The following ADARB2 variants were observed in gnomAD, a reference collection of about 807,000 sequenced individuals.
ADARB2 encodes inactive double-stranded RNA-specific editase B2.
A neutral mutation model predicts 62.2 loss-of-function variants in ADARB2; 25 were observed. The ratio of observed to expected loss-of-function variants is 0.40; its 90% CI spans 0.29 to 0.56. The LOEUF (loss-of-function observed/expected upper bound fraction) is 0.56, where lower values mean the gene tolerates loss of function less well. Ranked by LOEUF, ADARB2 falls within the 20% of genes least tolerant of loss-of-function variation. The probability of loss-of-function intolerance (pLI) is 0.43; values close to 1 mark genes in which losing one functional copy is unlikely to be tolerated. For synonymous variants in ADARB2, 572 were observed against 500.8 expected (o/e 1.14, Z -1.90); for missense variants, 1,071 against 1,077.4 (o/e 0.99, Z 0.08).
At chr10:1,414,923 T>C (rs1832789356) in intron 1 of ADARB2, among the ~76,000 whole-genome samples, 1 of 152,048 alleles carries the variant, frequency 6.6e-6, no homozygotes, top group Non-Finnish European at 1.5e-5. Flanking sequence ...AATGAATGGA[T>C]AGATAGGTGG....
At position 1,363,799 on chromosome 10, in the gene ADARB2, C is replaced by T. The variant is rs370256785; in HGVS notation, c.306G>A (p.Leu102=). The change falls in exon 3 of 10, where the codon CTG becomes CTA. Residue 102 remains leucine, a synonymous_variant. Transcript: ENST00000381312. ...ACAAGTGGCCCCCATTCCCCTCCTC[C>T]AGCGGCCGCTTCCTCTTCGCGCCGG... ...GAPGAKRKRP[L]EEGNGGHLCK... is the part of the protein sequence containing the mutation. 5 of 1,597,510 alleles carry T rather than the reference C, an allele frequency of 3.1e-6. No individual in the cohort carries two copies. Among genetic ancestry groups the T allele is most frequent in the Non-Finnish European group, 4.2e-6 (5 of 1,178,816 alleles).
At chr10:1,375,747 AC>A (rs1404915497) in intron 2 of ADARB2, among the ~76,000 whole-genome samples, 1 of 152,186 alleles carries the variant, frequency 6.6e-6, no homozygotes, top group Non-Finnish European at 1.5e-5. Flanking sequence ...ACAGATTCAC[AC>A]GCCACACACA....
chr10:1,400,543 T>A (rs1481236700), intron 1 of ADARB2, among the ~76,000 whole-genome samples: 1 of 151,976 alleles, frequency 6.6e-6, no homozygotes, highest in Non-Finnish European at 1.5e-5. Context: ...CTGGTAAAAT[T>A]AGATCTAAAA....
At chr10:1,321,717 C>T (rs1458607367) in intron 3 of ADARB2, among the ~76,000 whole-genome samples, 1 of 152,200 alleles carries the variant, frequency 6.6e-6, no homozygotes, top group East Asian at 1.9e-4. Flanking sequence ...TTCTCTTAAA[C>T]AAATCATCAT....
intron 1 of ADARB2, among the ~76,000 whole-genome samples, chr10:1,427,838 A>T (rs982834404): frequency 2.6e-5 from 4 of 152,258 alleles, no homozygotes; most frequent in African/African-American, 9.6e-5. Flanking sequence ...CCAGGTGTTC[A>T]TCAGTGGTGA....
intron 1 of ADARB2, among the ~76,000 whole-genome samples, chr10:1,717,067 T>A (rs4993597): frequency 3.1e-5 from 2 of 63,996 alleles, no homozygotes; most frequent in Non-Finnish European, 4.8e-5. Flanking sequence ...TCTGATCACA[T>A]GTTATTCTGA....
chr10:1,543,840 G>A (rs1260069302), intron 1 of ADARB2, among the ~76,000 whole-genome samples: 2 of 152,162 alleles, frequency 1.3e-5, no homozygotes, highest in South Asian at 2.1e-4. Flanking sequence ...TTTACAGCCC[G>A]CCCGTGACGT....
intron 1 of ADARB2, among the ~76,000 whole-genome samples, chr10:1,712,144 C>G (rs1472228010): frequency 4.6e-5 from 7 of 152,128 alleles, no homozygotes; most frequent in South Asian, 2.1e-4. Flanking sequence ...GTATTTAAAA[C>G]AGATATTCTC....
intron 3 of ADARB2, among the ~76,000 whole-genome samples, chr10:1,312,765 C>T (rs1165745183): frequency 6.6e-6 from 1 of 152,216 alleles, no homozygotes; most frequent in Non-Finnish European, 1.5e-5. Context: ...TATCTTTCCT[C>T]TGCGGAGGTG....
intron 1 of ADARB2, among the ~76,000 whole-genome samples, chr10:1,590,851 A>G (rs1833243098): frequency 6.6e-6 from 1 of 152,080 alleles, no homozygotes; most frequent in Non-Finnish European, 1.5e-5. Flanking sequence ...GCAGTCAGTA[A>G]CCGTGCGTCG....
chr10:1,606,847 T>G (rs910948114), intron 1 of ADARB2, among the ~76,000 whole-genome samples: 1 of 152,090 alleles, frequency 6.6e-6, no homozygotes, highest in African/African-American at 2.4e-5. Context: ...TCAGGCAAAC[T>G]AAACCTGAGG....
At chr10:1,645,842 C>T (rs1588336784) in intron 1 of ADARB2, among the ~76,000 whole-genome samples, 1 of 152,196 alleles carries the variant, frequency 6.6e-6, no homozygotes, top group Non-Finnish European at 1.5e-5. Context: ...CAAGACATCC[C>T]TTTTTCATCC....
chr10:1,324,554 T>A (rs935189868), intron 3 of ADARB2, among the ~76,000 whole-genome samples: 3 of 152,170 alleles, frequency 2.0e-5, no homozygotes, highest in Admixed American at 1.3e-4. Flanking sequence ...TACTCAGCAA[T>A]GAAAAGGAAC....
intron 1 of ADARB2, among the ~76,000 whole-genome samples, chr10:1,510,124 CTTT>C (rs1831912461): frequency 1.7e-5 from 2 of 117,600 alleles, no homozygotes; most frequent in Admixed American, 8.9e-5. Context: ...TTCTTTCTTT[CTTT>C]CTTTCTTTCT....
rs182367415 is a variant in ADARB2 at position 1,493,912 on chromosome 10, C to G, written c.101-114752G>C. On this transcript the variant is annotated intron_variant, in intron 1 of 9. Coordinates refer to ENST00000381312, the MANE Select transcript of ADARB2 (RefSeq NM_018702.4). ...CTGGGATTACAGGCGTGCGCCACTA[C>G]GCCTGGCTATTTTTTGTATTTTTAG... Among the ~76,000 whole-genome samples the G allele has an allele frequency of 6.3e-3, 961 of 151,886 alleles. 3 individuals carry two copies. Among genetic ancestry groups the G allele is most frequent in the Non-Finnish European group, 0.011 (761 of 67,942 alleles).
chr10:1,708,603 G>A (rs1834918616), intron 1 of ADARB2, among the ~76,000 whole-genome samples: 1 of 152,140 alleles, frequency 6.6e-6, no homozygotes, highest in African/African-American at 2.4e-5. Context: ...GAGAGGCATG[G>A]GCTTTGGGGG....
At chr10:1,272,011 C>T (rs1831267725) in intron 3 of ADARB2, among the ~76,000 whole-genome samples, 1 of 152,234 alleles carries the variant, frequency 6.6e-6, no homozygotes, top group Non-Finnish European at 1.5e-5. Context: ...GGATTAAATG[C>T]AATACGGTGT....
rs1357866537 is a variant in ADARB2, at chr10:1,293,698, A to G, written c.1078-22629T>C. 2.6e-5 allele frequency among the ~76,000 whole-genome samples: 4 copies of G among 152,138 alleles called. 1 individual carries two copies. The highest frequency in any genetic ancestry group is 1.9e-4 in the East Asian group (1 of 5,188). On this transcript the variant is annotated intron_variant, in intron 3 of 9. Coordinates refer to ENST00000381312, the MANE Select transcript of ADARB2 (RefSeq NM_018702.4). ...GTATCTTCATTCCCCACTCCTTTCTATGTCATCTCTTTTTGTTTTGTTTTG... is the reference window on the plus strand; with the variant it reads ...GTATCTTCATTCCCCACTCCTTTCTGTGTCATCTCTTTTTGTTTTGTTTTG...
intron 1 of ADARB2, among the ~76,000 whole-genome samples, chr10:1,390,714 TAAG>T (rs2131865802): frequency 6.6e-6 from 1 of 152,264 alleles, no homozygotes; most frequent in East Asian, 1.9e-4. Flanking sequence ...GACATTGCAA[TAAG>T]AAAAATTACA....
Sources: allele counts gnomAD v4.1 joint callset (sites outside exome capture counted in the v4.1 genomes callset), GRCh38; gene constraint gnomAD v4.1.1; transcripts MANE v1.5; gene names NCBI Gene and HGNC (gene_info 2026-07-23, HGNC 2026-07-21).